FGF14: variants seen among roughly 807,000 people sequenced by gnomAD.
The protein encoded by FGF14 is fibroblast growth factor 14.
FGF14 carries 5 observed loss-of-function variants against 25.5 expected under a neutral mutation model. That is an observed-to-expected ratio of 0.20 (90% CI 0.10 to 0.41). The LOEUF (loss-of-function observed/expected upper bound fraction) is 0.41, where lower values mean the gene tolerates loss of function less well. Ranked by LOEUF, FGF14 falls within the 10% of genes least tolerant of loss-of-function variation. FGF14 has a pLI of 1.00. For synonymous variants in FGF14, 138 were observed against 118.3 expected, an observed-to-expected ratio of 1.17 and a Z score of -1.08; for missense variants, 222 against 320.1, an observed-to-expected ratio of 0.69 and a Z score of 2.34.
intron 1 of FGF14, among the ~76,000 whole-genome samples, chr13:102,264,632 CAGAAACCACA>C (rs56177320): frequency 0.17 from 26,055 of 152,012 alleles, 2,333 homozygotes; most frequent in Non-Finnish European, 0.21. Context: ...ACAGGTTGTA[CAGAAACCACA>C]AAGGATAGTA....
chr13:101,816,142 C>T (rs1262525503), intron 3 of FGF14, among the ~76,000 whole-genome samples: 1 of 151,016 alleles, frequency 6.6e-6, no homozygotes, highest in Non-Finnish European at 1.5e-5. Flanking sequence ...TGTTGGCGGG[C>T]GCCTGTAGTC....
At chr13:102,241,237 A>AC (rs1206665440) in intron 1 of FGF14, among the ~76,000 whole-genome samples, 1 of 151,994 alleles carries the variant, frequency 6.6e-6, no homozygotes. Context: ...ATTCCTGGTG[A>AC]TTTTTTTCCC....
rs549979254 is a variant in FGF14, at chr13:102,074,354, G to A, written c.209-199058C>T. On this transcript the variant is annotated intron_variant, in intron 1 of 4. Coordinates refer to the FGF14 transcript ENST00000376131. ...GCTCCAGGTTTACACATTTGTTCCT[G>A]GGGGAAAAATATCGTATTCTTTCAC... 2.0e-5 allele frequency among the ~76,000 whole-genome samples: 3 copies of A among 152,050 alleles called. No individual in the cohort carries two copies. The South Asian group carries it at 6.2e-4, about 32-fold the overall frequency.
intron 1 of FGF14, chr13:102,401,335 C>A: frequency 2.5e-6 from 2 of 803,790 alleles, no homozygotes; most frequent in Non-Finnish European, 2.1e-6. Flanking sequence ...TCATGCAACA[C>A]CTCTATATGC....
chr13:102,063,106 C>T (rs901597178), intron 1 of FGF14, among the ~76,000 whole-genome samples: 8 of 152,078 alleles, frequency 5.3e-5, no homozygotes, highest in African/African-American at 1.7e-4. Context: ...TGCTTCCAAA[C>T]CTTCCTTACT....
At chr13:101,884,807 C>A (rs2045905819) in intron 1 of FGF14, among the ~76,000 whole-genome samples, 1 of 151,926 alleles carries the variant, frequency 6.6e-6, no homozygotes, top group Non-Finnish European at 1.5e-5. Context: ...TTAAAAAGCA[C>A]TAGTTTAGGA....
At chr13:102,274,325 G>T (rs1176361081) in intron 1 of FGF14, among the ~76,000 whole-genome samples, 1 of 152,136 alleles carries the variant, frequency 6.6e-6, no homozygotes, top group African/African-American at 2.4e-5. Flanking sequence ...GAAAGATTTT[G>T]ATTTTTTTAA....
chr13:102,200,512 G>C (rs1174321508), intron 1 of FGF14, among the ~76,000 whole-genome samples: 2 of 152,072 alleles, frequency 1.3e-5, no homozygotes, highest in African/African-American at 4.8e-5. Context: ...AAGACCTCTA[G>C]GGAGAAATCA....
At chr13:102,267,584 T>C (rs192743253) in intron 1 of FGF14, among the ~76,000 whole-genome samples, 1 of 152,292 alleles carries the variant, frequency 6.6e-6, no homozygotes, top group African/African-American at 2.4e-5. Flanking sequence ...GTTATATATA[T>C]GGCTATGTGT....
At chr13:102,229,309 T>C (rs928304086) in intron 1 of FGF14, among the ~76,000 whole-genome samples, 2 of 152,208 alleles carry the variant, frequency 1.3e-5, no homozygotes, top group African/African-American at 2.4e-5. Flanking sequence ...ACTTAAGACA[T>C]GCAGGACTCC....
chr13:101,869,316 G>A (rs571765416), intron 2 of FGF14, among the ~76,000 whole-genome samples: 2 of 152,280 alleles, frequency 1.3e-5, no homozygotes, highest in African/African-American at 4.8e-5. Flanking sequence ...ATACGCCAGC[G>A]AAGCCAGGAA....
chr13:101,934,866 C>G (rs2034998265), intron 1 of FGF14, among the ~76,000 whole-genome samples: 1 of 152,124 alleles, frequency 6.6e-6, no homozygotes, highest in Non-Finnish European at 1.5e-5. Context: ...AAAGGAAACT[C>G]AATTCTATTT....
chr13:102,064,359 T>A (rs2042812705), intron 1 of FGF14, among the ~76,000 whole-genome samples: 1 of 152,144 alleles, frequency 6.6e-6, no homozygotes, highest in Admixed American at 6.5e-5. Flanking sequence ...AGCCTTTAGA[T>A]GGGTTCCTAG....
chr13:101,916,444 C>A lies in FGF14; in HGVS notation c.193+9G>T. On this transcript the variant is annotated intron_variant, in intron 1 of 4. Transcript: ENST00000376143. ...CGGGGCGCATCTCCCGACCATGACCCCCACAGACCTTGGCGCCGCAACCTG... is the reference window on the plus strand; with the variant it reads ...CGGGGCGCATCTCCCGACCATGACCACCACAGACCTTGGCGCCGCAACCTG... 1 of 1,613,902 alleles carries A rather than the reference C, an allele frequency of 6.2e-7. No individual in the cohort carries two copies. Among genetic ancestry groups the A allele is most frequent in the Non-Finnish European group, 8.5e-7 (1 of 1,179,900 alleles).
At chr13:102,398,197 C>A (rs1034365316) in intron 1 of FGF14, among the ~76,000 whole-genome samples, 3 of 152,056 alleles carry the variant, frequency 2.0e-5, no homozygotes, top group Non-Finnish European at 2.9e-5. Context: ...TTAAATTTTA[C>A]ATAAAACAAG....
intron 1 of FGF14, among the ~76,000 whole-genome samples, chr13:102,187,415 T>A (rs2048921234): frequency 2.0e-5 from 3 of 152,170 alleles, no homozygotes; most frequent in Admixed American, 2.0e-4. Context: ...TAAAACAGAA[T>A]CCTAGAATTC....
Position 102,212,105 on chromosome 13 carries a change from C to T in FGF14, c.208+189366G>A, listed in dbSNP as rs148582190. 5.2e-3 allele frequency among the ~76,000 whole-genome samples: 790 copies of T among 152,252 alleles called. 2 individuals carry two copies. Among genetic ancestry groups the T allele is most frequent in the Admixed American group, 8.4e-3 (128 of 15,290 alleles). On this transcript the variant is annotated intron_variant, in intron 1 of 4. Coordinates refer to the FGF14 transcript ENST00000376131. ...AAACAGATGACCCTGATTCCAATTCCCCAACCAGTTCCACAACTGGTCTGC... is the reference window on the plus strand; with the variant it reads ...AAACAGATGACCCTGATTCCAATTCTCCAACCAGTTCCACAACTGGTCTGC...
intron 1 of FGF14, among the ~76,000 whole-genome samples, chr13:102,339,683 T>C (rs2056892654): frequency 6.6e-6 from 1 of 152,168 alleles, no homozygotes; most frequent in Non-Finnish European, 1.5e-5. Context: ...CTAGCAAAAT[T>C]ATCAATCCAA....
At chr13:101,749,827 A>T (rs2037155088) in intron 3 of FGF14, among the ~76,000 whole-genome samples, 1 of 152,106 alleles carries the variant, frequency 6.6e-6, no homozygotes, top group Non-Finnish European at 1.5e-5. Flanking sequence ...AATTAAAGAG[A>T]TGACTACTAA....
Sources: gnomAD v4.1 joint callset for allele counts (sites outside exome capture counted in the v4.1 genomes callset) on GRCh38, gnomAD v4.1.1 for gene constraint, MANE v1.5 for transcripts, NCBI Gene and HGNC (gene_info 2026-07-23, HGNC 2026-07-21) for gene names.